Variants in ARHGEF18 observed in about 807,000 individuals in gnomAD.
ARHGEF18 encodes the protein Rho/Rac guanine nucleotide exchange factor 18, also known as rho guanine nucleotide exchange factor 18.
In ARHGEF18, 93 loss-of-function variants were observed where a neutral mutation model predicts 155.7. That is an observed-to-expected ratio of 0.60 (90% CI 0.50 to 0.71). The LOEUF is 0.71. Among genes scored for constraint, ARHGEF18 ranks in the 30% least tolerant of loss-of-function variants. ARHGEF18 has a pLI of 0.00. For missense variants in ARHGEF18, 1,593 were observed against 1,816.1 expected (o/e 0.88, Z 2.23); for synonymous variants, 742 against 753.1 (o/e 0.99, Z 0.24).
intron 10 of ARHGEF18, among the ~76,000 whole-genome samples, chr19:7,412,183 G>A (rs375415927): frequency 1.4e-4 from 20 of 138,000 alleles, no homozygotes; most frequent in Non-Finnish European, 2.4e-4. Context: ...TTACAGGGGC[G>A]CGCCACCACA....
chr19:7,390,741 A>G (rs1232619252), intron 10 of ARHGEF18: 1 of 152,118 alleles, frequency 6.6e-6, no homozygotes, highest in Non-Finnish European at 1.5e-5. Context: ...AAATAAAAAT[A>G]ATAATAAATC....
At chr19:7,403,496 A>G (rs1426066609) in intron 10 of ARHGEF18, among the ~76,000 whole-genome samples, 1 of 151,612 alleles carries the variant, frequency 6.6e-6, no homozygotes, top group Non-Finnish European at 1.5e-5. Flanking sequence ...TAACGATTGC[A>G]AGGTTCATTT....
At position 7,376,759 on chromosome 19, in the gene ARHGEF18, T is replaced by C; in HGVS notation, c.541+2T>C. 2 of 1,234,036 alleles carry C rather than the reference T, an allele frequency of 1.6e-6. No individual in the cohort carries two copies. The highest frequency in any genetic ancestry group is 2.0e-6 in the Non-Finnish European group (2 of 987,864). The allele number at this position is 1,234,036 out of a possible 1,614,324, so 76.4% of individuals were successfully genotyped here. A position where few individuals can be genotyped will look rare whatever the true frequency, so the allele number is the denominator to read the frequency against. On this transcript the variant is annotated splice_donor_variant, in intron 5 of 28. Transcript: ENST00000668164. LOFTEE classifies it high-confidence loss of function. Reference sequence around the variant, plus strand: ...AAGTGCCCACTCCACCTGTTCAAGGTAGCCAGCCTGGGAGTTTCCTTCATT... The same window carrying C: ...AAGTGCCCACTCCACCTGTTCAAGGCAGCCAGCCTGGGAGTTTCCTTCATT...
chr19:7,434,869 A>G (rs1017697371), intron 10 of ARHGEF18, among the ~76,000 whole-genome samples: 2 of 152,284 alleles, frequency 1.3e-5, no homozygotes, highest in African/African-American at 4.8e-5. Flanking sequence ...GGCTTTTAGT[A>G]TATTCAGAGT....
chr19:7,372,123 C>T (rs1446958503), intron 2 of ARHGEF18, among the ~76,000 whole-genome samples: 2 of 152,298 alleles, frequency 1.3e-5, no homozygotes, highest in African/African-American at 4.8e-5. Context: ...GAAGCCCACT[C>T]GCCCACCTAC....
chr19:7,408,612 T>G (rs1229621587), intron 10 of ARHGEF18, among the ~76,000 whole-genome samples: 2 of 152,252 alleles, frequency 1.3e-5, no homozygotes, highest in Non-Finnish European at 2.9e-5. Flanking sequence ...CTTCACAATC[T>G]GGGCCCATCC....
intron 10 of ARHGEF18, among the ~76,000 whole-genome samples, chr19:7,387,040 G>A (rs1234099482): frequency 6.6e-6 from 1 of 152,076 alleles, no homozygotes; most frequent in African/African-American, 2.4e-5. Flanking sequence ...AGAGCAGCTA[G>A]GGTTTTCATC....
At chr19:7,442,397 C>T (rs760648863) in intron 13 of ARHGEF18, among the ~76,000 whole-genome samples, 105 of 152,124 alleles carry the variant, frequency 6.9e-4, no homozygotes, top group Non-Finnish European at 1.1e-3. Flanking sequence ...CTACACCTGG[C>T]GAATTTTTTT....
intron 27 of ARHGEF18, among the ~76,000 whole-genome samples, 166 bp from the exon 28 acceptor site, chr19:7,469,738 C>T (rs1976897827): frequency 6.6e-6 from 1 of 152,102 alleles, no homozygotes; most frequent in South Asian, 2.1e-4. Context: ...GGCCGTTCTC[C>T]CTGAATCTGG....
At chr19:7,394,105 A>G (rs1349699305) in intron 10 of ARHGEF18, among the ~76,000 whole-genome samples, 1 of 148,434 alleles carries the variant, frequency 6.7e-6, no homozygotes, top group Non-Finnish European at 1.5e-5. Context: ...TGCAGCCTGG[A>G]CCTCCCAGGC....
intron 10 of ARHGEF18, among the ~76,000 whole-genome samples, chr19:7,400,880 G>A (rs565435556): frequency 1.3e-5 from 2 of 152,236 alleles, no homozygotes; most frequent in South Asian, 2.1e-4. Flanking sequence ...TCCTGAGCAG[G>A]TGCTCTCTCA....
intron 1 of ARHGEF18, among the ~76,000 whole-genome samples, chr19:7,358,985 A>G (rs1440619979): frequency 1.3e-5 from 2 of 152,186 alleles, no homozygotes; most frequent in African/African-American, 2.4e-5. Context: ...TTCTATAAAG[A>G]GCTAGGCAGA....
chr19:7,387,648 G>C (rs1033289224), intron 10 of ARHGEF18, among the ~76,000 whole-genome samples: 1 of 151,976 alleles, frequency 6.6e-6, no homozygotes, highest in Admixed American at 6.6e-5. Flanking sequence ...TATCACCTTC[G>C]GTGGTTCCCA....
At chr19:7,382,694 A>G in intron 8 of ARHGEF18, 98 bp from the exon 9 acceptor site, 1 of 802,616 alleles carries the variant, frequency 1.2e-6, no homozygotes, top group Non-Finnish European at 1.7e-6. Flanking sequence ...AGGAGGCCAC[A>G]GGGAGACAGG....
At chr19:7,464,726 T>A (rs745573522) in intron 23 of ARHGEF18, 36 bp downstream of exon 23, 5 of 1,610,850 alleles carry the variant, frequency 3.1e-6, no homozygotes, top group Non-Finnish European at 4.2e-6. Context: ...ACAGTCTGAG[T>A]CGTCATAAGG....
In ARHGEF18 at chr19:7,462,320, C is replaced by T. The variant is rs919074382; in HGVS notation, c.2621C>T (p.Ser874Leu). Residue 874 changes from serine to leucine, a missense_variant, in exon 21 of 29, where the codon TCG becomes TTG. By Grantham distance (145) the Ser-to-Leu change is moderately radical. Transcript: ENST00000668164. This position sits in a 1 kb window ranked among gnomAD's most constrained non-coding sequence, Gnocchi z 4.4. Reference sequence around the variant, plus strand: ...CTGCAGGGGGAGCTAATTCTCAAGTCGGCCATGAGCGAGAGTAAGTTGGCT... The same window carrying T: ...CTGCAGGGGGAGCTAATTCTCAAGTTGGCCATGAGCGAGAGTAAGTTGGCT... ...ETLQGELILK[S>L]AMSEIEGIQS... The T allele has an allele frequency of 7.5e-6, 12 of 1,594,754 alleles. No homozygotes were observed. The highest frequency in any genetic ancestry group is 6.8e-5 in the South Asian group (6 of 88,062).
downstream of ARHGEF18, among the ~76,000 whole-genome samples, chr19:7,476,095 GA>G (rs1977221428): frequency 2.0e-5 from 3 of 152,218 alleles, no homozygotes; most frequent in Admixed American, 6.5e-5. Context: ...CAGCTCACTT[GA>G]AGCCAGGAGT....
Position 7,470,325 on chromosome 19 carries a change from C to G in ARHGEF18, c.*27C>G. ...AGGGCCGTGACTCAAGGTGCAAGGCCCCTCCCTGCCCTGCCCACCCTTCCT... is the reference window on the plus strand; with the variant it reads ...AGGGCCGTGACTCAAGGTGCAAGGCGCCTCCCTGCCCTGCCCACCCTTCCT... On this transcript the variant is annotated 3_prime_UTR_variant, in exon 29 of 29. Coordinates refer to ENST00000668164, the MANE Select transcript of ARHGEF18 (RefSeq NM_001367823.1). The surrounding 1 kb of genome is among the most constrained non-coding windows in gnomAD (Gnocchi z 5.9). 1 of 1,451,998 alleles carries G rather than the reference C, an allele frequency of 6.9e-7. No homozygotes were observed. The highest frequency in any genetic ancestry group is 9.1e-7 in the Non-Finnish European group (1 of 1,097,966). 89.9% of individuals were successfully genotyped at this position (1,451,998 alleles called of 1,614,324 possible).
intron 10 of ARHGEF18, among the ~76,000 whole-genome samples, chr19:7,397,627 G>A (rs1971791491): frequency 6.6e-6 from 1 of 152,114 alleles, no homozygotes; most frequent in African/African-American, 2.4e-5. Flanking sequence ...CAGCTAGTCA[G>A]GAGGCTGAGG....
Sources: allele counts gnomAD v4.1 joint callset (sites outside exome capture counted in the v4.1 genomes callset), GRCh38; gene constraint gnomAD v4.1.1; non-coding constraint Gnocchi (gnomAD v3.1); transcripts MANE v1.5; gene names NCBI Gene and HGNC (gene_info 2026-07-23, HGNC 2026-07-21).